Variants in EPS8 observed in about 807,000 individuals in gnomAD.
The protein encoded by EPS8 is EGFR pathway substrate 8, signaling adaptor, also known as epidermal growth factor receptor kinase substrate 8.
EPS8 carries 42 observed loss-of-function variants against 103.8 expected under a neutral mutation model. The ratio of observed to expected loss-of-function variants is 0.40; its 90% CI spans 0.32 to 0.52. The LOEUF (loss-of-function observed/expected upper bound fraction) is 0.52, where lower values mean the gene tolerates loss of function less well. Among genes scored for constraint, EPS8 ranks in the 20% least tolerant of loss-of-function variants. The probability of loss-of-function intolerance (pLI) is 0.40; values close to 1 mark genes in which losing one functional copy is unlikely to be tolerated. For missense variants in EPS8, 969 were observed against 1,005.1 expected, an observed-to-expected ratio of 0.96 and a Z score of 0.49; for synonymous variants, 344 against 344.6, an observed-to-expected ratio of 1.00 and a Z score of 0.02.
rs551216139 is a variant in EPS8, at chr12:15,740,039, C to T, written c.-22+49122G>A. Among the ~76,000 whole-genome samples the T allele has an allele frequency of 2.6e-5, 4 of 152,086 alleles. No homozygotes were observed. The South Asian group carries it at 6.2e-4, about 24-fold the overall frequency. ...GAATACTAACCAAAAGAAGCTACTC[C>T]GAGGTGACGGCAAAGTTAAGGATAA... is the stretch of plus-strand genomic sequence containing the variant. On this transcript the variant is annotated intron_variant, in intron 1 of 20. Coordinates refer to ENST00000281172, the MANE Select transcript of EPS8 (RefSeq NM_004447.6).
At chr12:15,692,041 C>T (rs185787432) in intron 1 of EPS8, among the ~76,000 whole-genome samples, 4 of 152,172 alleles carry the variant, frequency 2.6e-5, no homozygotes, top group East Asian at 3.9e-4. Flanking sequence ...TCTAAGGCTC[C>T]GAAGAGCTTT....
chr12:15,634,336 GTC>G (rs1303832820), intron 17 of EPS8, among the ~76,000 whole-genome samples: 1 of 152,080 alleles, frequency 6.6e-6, no homozygotes, highest in East Asian at 1.9e-4. Flanking sequence ...CTATCTTTTT[GTC>G]TCTCTTTCTC....
At chr12:15,729,337 A>G (rs1946687890) in intron 1 of EPS8, among the ~76,000 whole-genome samples, 1 of 152,080 alleles carries the variant, frequency 6.6e-6, no homozygotes, top group South Asian at 2.1e-4. Context: ...TATTATTTCA[A>G]ATATTTCTTT....
intron 1 of EPS8, among the ~76,000 whole-genome samples, chr12:15,783,367 A>T (rs1485389425): frequency 2.0e-5 from 3 of 152,190 alleles, no homozygotes; most frequent in Non-Finnish European, 4.4e-5. Context: ...CAGAAGGGTT[A>T]CTAGTTAAGT....
chr12:15,649,860 A>T (rs1382846707), intron 14 of EPS8, among the ~76,000 whole-genome samples: 1 of 152,198 alleles, frequency 6.6e-6, no homozygotes, highest in Non-Finnish European at 1.5e-5. Flanking sequence ...CCACATTATA[A>T]ATACCTATGA....
At chr12:15,637,195 A>G (rs1480112906) in intron 17 of EPS8, among the ~76,000 whole-genome samples, 1 of 152,088 alleles carries the variant, frequency 6.6e-6, no homozygotes, top group Non-Finnish European at 1.5e-5. Flanking sequence ...TAATTTTTGT[A>G]CTTTTAGTAG....
At position 15,686,586 on chromosome 12, in the gene EPS8, AAC is replaced by A. The variant is rs936851761; in HGVS notation, c.-21-3616_-21-3615del. On this transcript the variant is annotated intron_variant, in intron 1 of 20. Transcript: ENST00000281172. ...TCTAAGTTAAGCGAATGAAAAATGTAACACACTATAATTTTCAAAAAGAAAGG... is the reference window on the plus strand; with the variant it reads ...TCTAAGTTAAGCGAATGAAAAATGTAACACTATAATTTTCAAAAAGAAAGG... Among the ~76,000 whole-genome samples, 6 of 152,334 alleles carry A rather than the reference AAC, an allele frequency of 3.9e-5. No individual in the cohort carries two copies. The East Asian group carries it at 9.6e-4, about 24-fold the overall frequency.
At chr12:15,768,919 T>TCC (rs1947125694) in intron 1 of EPS8, among the ~76,000 whole-genome samples, 1 of 152,254 alleles carries the variant, frequency 6.6e-6, no homozygotes, top group South Asian at 2.1e-4. Flanking sequence ...ATTATTTTAA[T>TCC]CAGACTATAC....
In EPS8 at chr12:15,760,205, G is replaced by T. The variant is rs1279783967; in HGVS notation, c.-22+28956C>A. Among the ~76,000 whole-genome samples, 2 of 151,952 alleles carry T rather than the reference G, an allele frequency of 1.3e-5. No individual in the cohort carries two copies. The highest frequency in any genetic ancestry group is 2.9e-5 in the Non-Finnish European group (2 of 67,948). ...TGCCAATAAACTGGAAAATCTAGAA[G>T]AAATGGACAAATTCCTAGACACACA... On this transcript the variant is annotated intron_variant, in intron 1 of 20. Coordinates refer to ENST00000281172, the MANE Select transcript of EPS8 (RefSeq NM_004447.6). The surrounding 1 kb of genome is among the most constrained non-coding windows in gnomAD (Gnocchi z 4.5).
rs1343767255 is a variant in EPS8 at position 15,757,655 on chromosome 12, A to G, written c.-22+31506T>C. Among the ~76,000 whole-genome samples the G allele has an allele frequency of 1.3e-5, 2 of 152,072 alleles. No individual in the cohort carries two copies. The highest frequency in any genetic ancestry group is 3.8e-4 in the East Asian group (2 of 5,200). ...AGAAAAAAAAAAGAAAAAGAAAAAG[A>G]AAAAGATGAAGTGGCCACCACTTAA... is the stretch of plus-strand genomic sequence containing the variant. On this transcript the variant is annotated intron_variant, in intron 1 of 20. Transcript: ENST00000281172. This position sits in a 1 kb window ranked among gnomAD's most constrained non-coding sequence, Gnocchi z 4.1.
intron 1 of EPS8, among the ~76,000 whole-genome samples, chr12:15,709,400 G>A (rs1591882431): frequency 6.6e-6 from 1 of 152,034 alleles, no homozygotes; most frequent in Admixed American, 6.6e-5. Context: ...TGAATATGAG[G>A]GAGAGACTTT....
intron 20 of EPS8, among the ~76,000 whole-genome samples, chr12:15,622,446 G>C (rs1486841527): frequency 3.3e-5 from 5 of 152,094 alleles, no homozygotes; most frequent in Admixed American, 3.3e-4. Flanking sequence ...GATGATTATG[G>C]ATCAATTTCA....
In EPS8 at chr12:15,666,665, A is replaced by G. The variant is rs142075144; in HGVS notation, c.517-143T>C. On this transcript the variant is annotated intron_variant, in intron 6 of 20. Coordinates refer to ENST00000281172, the MANE Select transcript of EPS8 (RefSeq NM_004447.6). ...AGTCTTTTTATAAAAATCTTGCAAA[A>G]CATGACTCTTGTGGTTTTTATAATG... is the stretch of plus-strand genomic sequence containing the variant. The G allele has an allele frequency of 9.9e-4, 602 of 607,778 alleles. 7 individuals are homozygous for G. The East Asian group carries it at 0.017, about 17-fold the overall frequency. The allele number at this position is 607,778 out of a possible 1,614,324, so 37.6% of individuals were successfully genotyped here.
rs117646149 is a variant in EPS8, at chr12:15,714,865, G to A, written c.-21-31893C>T. On this transcript the variant is annotated intron_variant, in intron 1 of 20. Transcript: ENST00000281172. The surrounding 1 kb of genome is among the most constrained non-coding windows in gnomAD (Gnocchi z 4.1). ...AGTCAATGTCAGAAGTCAATTGCCT[G>A]GCAGAACCTATTCTACATCCACTTT... 1.4e-3 allele frequency among the ~76,000 whole-genome samples: 207 copies of A among 152,220 alleles called. 5 individuals carry two copies. In the East Asian group the frequency reaches 0.037, roughly 27 times the overall value.
chr12:15,731,168 T>A lies in EPS8; in HGVS notation c.-21-48196A>T, dbSNP rs1946711873. ...TCATGGGCAACTGCTATCCAGGTTT[T>A]TAGCTAGCTTAACCAAATCCTCTAA... On this transcript the variant is annotated intron_variant, in intron 1 of 20. Coordinates refer to ENST00000281172, the MANE Select transcript of EPS8 (RefSeq NM_004447.6). The surrounding 1 kb of genome is among the most constrained non-coding windows in gnomAD (Gnocchi z 5.1). 6.6e-6 allele frequency among the ~76,000 whole-genome samples: 1 copy of A among 152,352 alleles called. No homozygotes were observed. The highest frequency in any genetic ancestry group is 2.4e-5 in the African/African-American group (1 of 41,594).
At chr12:15,712,004 T>A (rs192339276) in intron 1 of EPS8, among the ~76,000 whole-genome samples, 5 of 152,304 alleles carry the variant, frequency 3.3e-5, no homozygotes, top group Non-Finnish European at 7.4e-5. Flanking sequence ...TGCACTTAAT[T>A]ATTAGTGACA....
chr12:15,653,811 A>G (rs868133512), intron 13 of EPS8, among the ~76,000 whole-genome samples: 3 of 152,304 alleles, frequency 2.0e-5, no homozygotes, highest in East Asian at 1.9e-4. Flanking sequence ...GCGCGCGCGC[A>G]TGTGTATGTG....
At chr12:15,657,826 C>T (rs1319435620) in intron 12 of EPS8, 2 of 382,406 alleles carry the variant, frequency 5.2e-6, no homozygotes, top group South Asian at 2.7e-5. Context: ...TCCAATAAAT[C>T]TTTATTTCTT....
chr12:15,656,000 A>G (rs1276425698), intron 12 of EPS8, among the ~76,000 whole-genome samples: 1 of 152,232 alleles, frequency 6.6e-6, no homozygotes, highest in Non-Finnish European at 1.5e-5. Flanking sequence ...TTTTTGAGAA[A>G]AGCAGAGATA....
Sources: gnomAD v4.1 joint callset for allele counts (sites outside exome capture counted in the v4.1 genomes callset) on GRCh38, gnomAD v4.1.1 for gene constraint, Gnocchi (gnomAD v3.1) non-coding constraint, MANE v1.5 for transcripts, NCBI Gene and HGNC (gene_info 2026-07-23, HGNC 2026-07-21) for gene names.